LAMA2: variants seen among roughly 807,000 people sequenced by gnomAD.
LAMA2 encodes laminin subunit alpha 2.
Under a neutral mutation model 364.8 loss-of-function variants are expected in LAMA2, and 269 were observed. That is an observed-to-expected ratio of 0.74 (90% CI 0.67 to 0.82). LAMA2 has a LOEUF of 0.82. LAMA2 is among the 40% of genes least tolerant of loss of function. The probability of loss-of-function intolerance (pLI) is 0.00; values close to 1 mark genes in which losing one functional copy is unlikely to be tolerated. For synonymous variants in LAMA2, 1,379 were observed against 1,370.6 expected, an observed-to-expected ratio of 1.01 and a Z score of -0.14; for missense variants, 3,807 against 3,873.2, an observed-to-expected ratio of 0.98 and a Z score of 0.45.
intron 56 of LAMA2, among the ~76,000 whole-genome samples, chr6:129,488,895 T>C (rs980545165): frequency 1.3e-5 from 2 of 152,232 alleles, no homozygotes; most frequent in African/African-American, 4.8e-5. Flanking sequence ...TAGACAAAGA[T>C]GATTTGTTTT....
At chr6:129,409,120 C>T (rs777150027) in intron 40 of LAMA2, among the ~76,000 whole-genome samples, 20 of 152,330 alleles carry the variant, frequency 1.3e-4, no homozygotes, top group Non-Finnish European at 2.6e-4. Context: ...CAAGCAAGTG[C>T]ACAACCAGGT....
intron 50 of LAMA2, among the ~76,000 whole-genome samples, chr6:129,464,732 A>C (rs1462215043): frequency 6.6e-6 from 1 of 151,966 alleles, no homozygotes; most frequent in Non-Finnish European, 1.5e-5. Flanking sequence ...CCCAGCATGG[A>C]GCCATACAGC....
At chr6:129,450,010 T>A (rs1435059522) in intron 45 of LAMA2, among the ~76,000 whole-genome samples, 1 of 152,036 alleles carries the variant, frequency 6.6e-6, no homozygotes, top group Non-Finnish European at 1.5e-5. Flanking sequence ...TTCACCATGT[T>A]GGCCAGGATT....
At position 129,456,490 on chromosome 6, in the gene LAMA2, T is replaced by A. The variant is rs1444821713; in HGVS notation, c.6863T>A (p.Leu2288Ter). The A allele has an allele frequency of 6.2e-7, 1 of 1,612,958 alleles. No homozygotes were observed. Among genetic ancestry groups the A allele is most frequent in the Non-Finnish European group, 8.5e-7 (1 of 1,179,056 alleles). ...TTTGTTGGTGGCCTGACTGGGAAAT[T>A]AAAGGTAATGTGTTCATCCTCCTCC... ...MLFVGGLTGK[L>*]KKADAVRVIT... Residue 2288 changes from leucine to a stop codon, truncating the protein, a stop_gained, in exon 48 of 65, where the codon TTA (leucine) becomes TAA (stop). Coordinates refer to ENST00000421865, the MANE Select transcript of LAMA2 (RefSeq NM_000426.4). LOFTEE classifies it high-confidence loss of function.
At chr6:129,167,832 C>G (rs1415902105) in intron 9 of LAMA2, among the ~76,000 whole-genome samples, 2 of 151,122 alleles carry the variant, frequency 1.3e-5, no homozygotes, top group East Asian at 3.9e-4. Context: ...CCTGTTGTTT[C>G]CTGACTTTTT....
chr6:129,165,809 AG>A (rs1779712935), intron 9 of LAMA2, 134 bp downstream of exon 9: 3 of 688,098 alleles, frequency 4.4e-6, no homozygotes, highest in Non-Finnish European at 7.9e-6. Flanking sequence ...TCAGTGTATT[AG>A]CGTTCCCTCC....
chr6:129,207,788 G>GGA (rs1554244974), intron 12 of LAMA2, among the ~76,000 whole-genome samples: 5 of 126,924 alleles, frequency 3.9e-5, no homozygotes, highest in African/African-American at 1.6e-4. Context: ...ATACCCCTGA[G>GGA]AAAAAAAAAA....
intron 12 of LAMA2, among the ~76,000 whole-genome samples, chr6:129,219,431 G>A (rs907008208): frequency 6.6e-6 from 1 of 151,614 alleles, no homozygotes; most frequent in Admixed American, 6.6e-5. Context: ...ATTCCTCAGG[G>A]ATCTAGAACT....
At chr6:129,510,841 G>A (rs147908142) in intron 62 of LAMA2, among the ~76,000 whole-genome samples, 2 of 152,106 alleles carry the variant, frequency 1.3e-5, no homozygotes, top group East Asian at 3.9e-4. Context: ...CCACCTACAG[G>A]GAAGCAGAAA....
chr6:129,201,918 G>A (rs868390438), intron 12 of LAMA2, among the ~76,000 whole-genome samples: 2 of 152,008 alleles, frequency 1.3e-5, no homozygotes, highest in Non-Finnish European at 2.9e-5. Flanking sequence ...GGCCAGGCGC[G>A]GTGGCTCATG....
chr6:129,013,221 G>GCC (rs1784867577), intron 1 of LAMA2, among the ~76,000 whole-genome samples: 1 of 152,006 alleles, frequency 6.6e-6, no homozygotes, highest in Non-Finnish European at 1.5e-5. Context: ...GGATCACGAG[G>GCC]TCAGGAGATC....
chr6:128,933,168 C>A (rs989292638), intron 1 of LAMA2, among the ~76,000 whole-genome samples: 2 of 152,012 alleles, frequency 1.3e-5, no homozygotes, highest in Non-Finnish European at 2.9e-5. Context: ...TTGCAAATAG[C>A]AGGATTTCCT....
At chr6:129,220,306 A>C (rs1783739234) in intron 12 of LAMA2, among the ~76,000 whole-genome samples, 1 of 152,226 alleles carries the variant, frequency 6.6e-6, no homozygotes, top group Admixed American at 6.5e-5. Context: ...GCAATGAGCA[A>C]AAAAACACTA....
At position 129,287,955 on chromosome 6, in the gene LAMA2, G is replaced by A. The variant is rs1449207109; in HGVS notation, c.2646G>A (p.Leu882=). The A allele has an allele frequency of 6.2e-7, 1 of 1,614,102 alleles. No homozygotes were observed. The highest frequency in any genetic ancestry group is 8.5e-7 in the Non-Finnish European group (1 of 1,179,954). Reference sequence around the variant, plus strand: ...CCATCCCTGGCAGCTGTGACAGCTTGTCTGGCTCCTGTCTGATATGTAAAC... The same window carrying A: ...CCATCCCTGGCAGCTGTGACAGCTTATCTGGCTCCTGTCTGATATGTAAAC... The part of the protein sequence containing the change: ...DFSIPGSCDS[L]SGSCLICKPG... The change falls in exon 19 of 65, where the codon TTG becomes TTA. Residue 882 remains leucine (L), a synonymous_variant. Coordinates refer to ENST00000421865, the MANE Select transcript of LAMA2 (RefSeq NM_000426.4).
intron 27 of LAMA2, 110 bp from the exon 28 acceptor site, chr6:129,320,428 T>C: frequency 1.3e-6 from 1 of 773,132 alleles, no homozygotes; most frequent in Non-Finnish European, 2.4e-6. Flanking sequence ...CAATAGAACA[T>C]ACTTGAGGTT....
intron 1 of LAMA2, among the ~76,000 whole-genome samples, chr6:128,923,380 T>C (rs1185949619): frequency 1.3e-5 from 2 of 151,370 alleles, no homozygotes; most frequent in Non-Finnish European, 2.9e-5. Flanking sequence ...CCTCTTTTAT[T>C]TCCTTGAGCA....
At chr6:129,513,907 A>AAAAC (rs1339307508) in intron 63 of LAMA2, among the ~76,000 whole-genome samples, 5 of 152,246 alleles carry the variant, frequency 3.3e-5, no homozygotes, top group Non-Finnish European at 7.3e-5. Flanking sequence ...AAATATAATT[A>AAAAC]AAACATCAAA....
At chr6:128,887,817 C>T (rs920166379) in intron 1 of LAMA2, among the ~76,000 whole-genome samples, 1 of 152,080 alleles carries the variant, frequency 6.6e-6, no homozygotes, top group African/African-American at 2.4e-5. Flanking sequence ...TTGCAGTGAG[C>T]CGAGATCGTG....
intron 8 of LAMA2, among the ~76,000 whole-genome samples, chr6:129,161,121 A>G (rs2114987028): frequency 6.6e-6 from 1 of 152,054 alleles, no homozygotes; most frequent in South Asian, 2.1e-4. Context: ...ATAAATTAAT[A>G]TTTTGATAAC....
Sources: gnomAD v4.1 joint callset for allele counts (sites outside exome capture counted in the v4.1 genomes callset) on GRCh38, gnomAD v4.1.1 for gene constraint, MANE v1.5 for transcripts, NCBI Gene and HGNC (gene_info 2026-07-23, HGNC 2026-07-21) for gene names.